MAPKBP1: variants seen among roughly 807,000 people sequenced by gnomAD.
MAPKBP1 encodes the protein mitogen-activated protein kinase-binding protein 1.
Under a neutral mutation model 170.5 loss-of-function variants are expected in MAPKBP1, and 71 were observed. The observed-to-expected ratio is 0.42, with a 90% CI of 0.34 to 0.51. The LOEUF is 0.51. Ranked by LOEUF, MAPKBP1 falls within the 20% of genes least tolerant of loss-of-function variation. The pLI, the probability that MAPKBP1 is intolerant of heterozygous loss-of-function variation, is 0.06. For missense variants in MAPKBP1, 1,598 were observed against 1,933.0 expected (o/e 0.83, Z 3.25); for synonymous variants, 719 against 757.9 (o/e 0.95, Z 0.84).
intron 2 of MAPKBP1, among the ~76,000 whole-genome samples, chr15:41,785,491 C>T (rs1188096609): frequency 6.6e-6 from 1 of 152,032 alleles, no homozygotes; most frequent in Non-Finnish European, 1.5e-5. Context: ...GTTTAGAAAC[C>T]ACCGGGGTGA....
rs550583561 is a variant in MAPKBP1, at chr15:41,775,490, T to C, written c.114+101T>C. 18 of 856,574 alleles carry C rather than the reference T, an allele frequency of 2.1e-5. No homozygotes were observed. The South Asian group carries it at 2.6e-4, about 12-fold the overall frequency. 53.1% of individuals were successfully genotyped at this position (856,574 alleles called of 1,614,324 possible). ...CTTGGGAAAGATAACTAGAAGCCCT[T>C]GTTGACTCTAAAGGATCACATATGA... On this transcript the variant is annotated intron_variant, in intron 2 of 30. Transcript: ENST00000457542.
intron 3 of MAPKBP1, among the ~76,000 whole-genome samples, chr15:41,810,178 G>C (rs1209574494): frequency 6.6e-6 from 1 of 152,220 alleles, no homozygotes; most frequent in African/African-American, 2.4e-5. Context: ...AACGGGCTGT[G>C]CACCCGAGGC....
chr15:41,786,777 A>AAAAAAAAATATATATAT, intron 2 of MAPKBP1, among the ~76,000 whole-genome samples: 6 of 32,454 alleles, frequency 1.8e-4, no homozygotes, highest in East Asian at 7.8e-4. Flanking sequence ...AAAAAAAAAA[A>AAAAAAAAATATATATAT]ATATATATAT....
In MAPKBP1 at chr15:41,815,644, T is replaced by C. The variant is rs1305095504; in HGVS notation, c.1338T>C (p.Tyr446=). ...ACTAGGACCTCATTAAAATCATCTA[T>C]GTGGATGGGAACACCCAGGCCCTGC... ...ILSSDLIKII[Y]VDGNTQALLD... The change falls in exon 12 of 31, where the codon TAT becomes TAC. Residue 446 remains tyrosine, a synonymous_variant. Coordinates refer to ENST00000457542, the MANE Select transcript of MAPKBP1 (RefSeq NM_014994.3). The C allele has an allele frequency of 6.2e-7, 1 of 1,613,904 alleles. No individual in the cohort carries two copies. Among genetic ancestry groups the C allele is most frequent in the South Asian group, 1.1e-5 (1 of 91,030 alleles).
chr15:41,819,425 A>G (rs771824424), intron 21 of MAPKBP1, 46 bp downstream of exon 21: 1 of 1,609,824 alleles, frequency 6.2e-7, no homozygotes, highest in Non-Finnish European at 8.5e-7. Context: ...TAGTTGGTAT[A>G]ATGGCTAGAT....
intron 2 of MAPKBP1, among the ~76,000 whole-genome samples, chr15:41,791,030 A>G (rs1392325675): frequency 6.6e-6 from 1 of 152,156 alleles, no homozygotes; most frequent in African/African-American, 2.4e-5. Flanking sequence ...TGTGGGCAAG[A>G]GACAAATATA....
Position 41,823,755 on chromosome 15 carries a change from A to C in MAPKBP1, c.3907A>C (p.Thr1303Pro). The C allele has an allele frequency of 1.2e-6, 2 of 1,613,856 alleles. No homozygotes were observed. The highest frequency in any genetic ancestry group is 1.7e-6 in the Non-Finnish European group (2 of 1,179,978). The change falls in exon 29 of 31, where the codon ACC becomes CCC. Residue 1303 changes from threonine (T) to proline (P), a missense_variant. Transcript: ENST00000457542. The part of the protein sequence containing the change: ...DIPKPLPDRP[T>P]LAAFSPVTKG... ...CCCCAAACCACTGCCTGACCGTCCT[A>C]CCCTGGCTGCATTCTCTCCTGTCAC...
intron 2 of MAPKBP1, among the ~76,000 whole-genome samples, chr15:41,796,088 G>A (rs1596073776): frequency 6.6e-6 from 1 of 152,314 alleles, no homozygotes; most frequent in African/African-American, 2.4e-5. Context: ...GGAACAAACT[G>A]TGATTTGGAA....
intron 8 of MAPKBP1, 48 bp downstream of exon 8, chr15:41,813,149 A>G (rs1485719195): frequency 6.4e-7 from 1 of 1,566,138 alleles, no homozygotes; most frequent in African/African-American, 1.4e-5. Flanking sequence ...GTCTCAGCTC[A>G]GGGGAGAACT....
chr15:41,822,851 G>C (rs1375415856), intron 27 of MAPKBP1, 88 bp from the exon 28 acceptor site: 7 of 1,509,750 alleles, frequency 4.6e-6, no homozygotes, highest in Non-Finnish European at 6.3e-6. Context: ...TTCTCTCCTA[G>C]TGCCCTGGTG....
At chr15:41,792,674 C>A (rs1428391489) in intron 2 of MAPKBP1, among the ~76,000 whole-genome samples, 1 of 152,182 alleles carries the variant, frequency 6.6e-6, no homozygotes, top group Admixed American at 6.6e-5. Context: ...ACTGCCCAGA[C>A]ACAGTTGCCT....
chr15:41,817,850 G>T lies in MAPKBP1; in HGVS notation c.1904+115G>T. ...TGTACAGGACTTTGTACCCCCTTGA[G>T]CCTACAGTACTTTGCTTCACCCAAG... On this transcript the variant is annotated intron_variant, in intron 16 of 30. Coordinates refer to ENST00000457542, the MANE Select transcript of MAPKBP1 (RefSeq NM_014994.3). This position sits in a 1 kb window ranked among gnomAD's most constrained non-coding sequence, Gnocchi z 4.2. The T allele has an allele frequency of 6.4e-7, 1 of 1,567,116 alleles. No homozygotes were observed. The highest frequency in any genetic ancestry group is 8.7e-7 in the Non-Finnish European group (1 of 1,146,198).
chr15:41,800,976 C>A (rs2064582266), intron 3 of MAPKBP1, among the ~76,000 whole-genome samples: 2 of 152,080 alleles, frequency 1.3e-5, no homozygotes. Context: ...CTCAAGCAGT[C>A]CTCCCGCTTC....
intron 2 of MAPKBP1, among the ~76,000 whole-genome samples, chr15:41,785,161 G>A (rs991001586): frequency 1.2e-4 from 18 of 152,144 alleles, no homozygotes; most frequent in African/African-American, 4.3e-4. Context: ...CTTCTAATTT[G>A]TTAGCAAGAT....
At chr15:41,806,452 C>T (rs2064696026) in intron 3 of MAPKBP1, among the ~76,000 whole-genome samples, 1 of 152,222 alleles carries the variant, frequency 6.6e-6, no homozygotes, top group African/African-American at 2.4e-5. Flanking sequence ...TAGCTCATCC[C>T]ATCTGGGGGA....
At chr15:41,784,409 G>A (rs957891254) in intron 2 of MAPKBP1, among the ~76,000 whole-genome samples, 3 of 152,174 alleles carry the variant, frequency 2.0e-5, no homozygotes, top group Non-Finnish European at 2.9e-5. Context: ...TGGAGGCTGA[G>A]GCGGGAGGAT....
Position 41,817,640 on chromosome 15 carries a change from GAC to G in MAPKBP1, c.1814_1815del (p.His605ProfsTer10). 3 of 1,614,174 alleles carry G rather than the reference GAC, an allele frequency of 1.9e-6. No individual in the cohort carries two copies. Among genetic ancestry groups the G allele is most frequent in the Non-Finnish European group, 2.5e-6 (3 of 1,180,016 alleles). On this transcript the variant is annotated frameshift_variant, in exon 16 of 31. Transcript: ENST00000457542. LOFTEE classifies it high-confidence loss of function. This position sits in a 1 kb window ranked among gnomAD's most constrained non-coding sequence, Gnocchi z 4.2. ...CTGGAGATGGAGTGCAGTTCACACGGACACACCACGTGGTGCGGAAGACGACC... is the reference window on the plus strand; with the variant it reads ...CTGGAGATGGAGTGCAGTTCACACGGACACCACGTGGTGCGGAAGACGACC... ...KSGDGVQFTR[T>X]HHVVRKTTLY...
Position 41,819,249 on chromosome 15 carries a change from C to G in MAPKBP1, c.2295C>G (p.His765Gln). 6.2e-7 allele frequency: 1 copy of G among 1,613,958 alleles called. No individual in the cohort carries two copies. The highest frequency in any genetic ancestry group is 8.5e-7 in the Non-Finnish European group (1 of 1,179,910). Residue 765 changes from histidine to glutamine, a missense_variant, in exon 21 of 31, where the codon CAC (histidine) becomes CAG (glutamine). By Grantham distance (24) the His-to-Gln change is conservative. This residue lies in a region of MAPKBP1 where 942 missense variants were observed against 953.2 expected (regional missense o/e 0.99). Coordinates refer to ENST00000457542, the MANE Select transcript of MAPKBP1 (RefSeq NM_014994.3). ...SPQRASGPNR[H>Q]QAPSMLSPGP... ...CCCTTCCTTGTCTCGGACTCAGGCA[C>G]CAGGCCCCATCAATGCTGTCTCCTG...
Position 41,824,530 on chromosome 15 carries a change from C to G in MAPKBP1, c.4260C>G (p.Leu1420=). The G allele has an allele frequency of 6.2e-7, 1 of 1,603,504 alleles. No individual in the cohort carries two copies. Among genetic ancestry groups the G allele is most frequent in the South Asian group, 1.1e-5 (1 of 89,016 alleles). Residue 1420 remains leucine (L), a synonymous_variant, in exon 30 of 31, where the codon CTC becomes CTG. Coordinates refer to ENST00000457542, the MANE Select transcript of MAPKBP1 (RefSeq NM_014994.3). ...AGTGTGAGCAGCTGGTGGCAGAGCTCCGCGGCAGCGTGCGCCAGGCAGTGC... is the reference window on the plus strand; with the variant it reads ...AGTGTGAGCAGCTGGTGGCAGAGCTGCGCGGCAGCGTGCGCCAGGCAGTGC... ...LEQCEQLVAE[L]RGSVRQAVRL...
Sources: allele counts gnomAD v4.1 joint callset (sites outside exome capture counted in the v4.1 genomes callset), GRCh38; gene constraint gnomAD v4.1.1; regional missense constraint gnomAD v4.1.1; non-coding constraint Gnocchi (gnomAD v3.1); transcripts MANE v1.5; gene names NCBI Gene and HGNC (gene_info 2026-07-23, HGNC 2026-07-21).